Variants in ECHDC3 observed in about 807,000 individuals in gnomAD.
ECHDC3 encodes the protein enoyl-CoA hydratase domain containing 3, also known as enoyl-CoA hydratase domain-containing protein 3, mitochondrial.
ECHDC3 carries 20 observed loss-of-function variants against 17.9 expected under a neutral mutation model. The ratio of observed to expected loss-of-function variants is 1.12; its 90% CI spans 0.79 to 1.63. The LOEUF is 1.63. Among genes scored for constraint, ECHDC3 ranks in the 40% most tolerant of loss-of-function variants. ECHDC3 has a pLI of 0.00. For missense variants in ECHDC3, 407 were observed against 357.7 expected, an observed-to-expected ratio of 1.14 and a Z score of -1.11; for synonymous variants, 177 against 149.7, an observed-to-expected ratio of 1.18 and a Z score of -1.33.
At chr10:11,746,404 C>G (rs1280201754) in intron 1 of ECHDC3, among the ~76,000 whole-genome samples, 1 of 149,894 alleles carries the variant, frequency 6.7e-6, no homozygotes, top group African/African-American at 2.5e-5. Context: ...GCCGAGAATT[C>G]TATAGCACAA....
At chr10:11,745,027 G>C (rs1448179750) in intron 1 of ECHDC3, among the ~76,000 whole-genome samples, 1 of 152,218 alleles carries the variant, frequency 6.6e-6, no homozygotes, top group East Asian at 1.9e-4. Context: ...AGTCAAGAAG[G>C]ACCGACCAGA....
intron 4 of ECHDC3, among the ~76,000 whole-genome samples, chr10:11,759,973 G>A (rs1306056710): frequency 6.6e-6 from 1 of 152,224 alleles, no homozygotes; most frequent in Non-Finnish European, 1.5e-5. Flanking sequence ...GTTAGTAAGT[G>A]GCAGAGCTGG....
chr10:11,742,602 C>A lies in ECHDC3; in HGVS notation c.26C>A (p.Ala9Asp). 1.5e-6 allele frequency: 2 copies of A among 1,294,992 alleles called. No homozygotes were observed. The highest frequency in any genetic ancestry group is 2.0e-6 in the Non-Finnish European group (2 of 1,022,342). The allele number at this position is 1,294,992 out of a possible 1,614,324, so 80.2% of individuals were successfully genotyped here. Reference protein sequence around the residue: MAAVAVLRAFGASGPMCLR... With the variant: MAAVAVLRDFGASGPMCLR... ...ATGGCCGCCGTCGCCGTCTTGCGGG[C>A]CTTCGGGGCAAGTGGGCCCATGTGT... The change falls in exon 1 of 5, where the codon GCC becomes GAC. Residue 9 changes from alanine to aspartate, a missense_variant. Coordinates refer to ENST00000379215, the MANE Select transcript of ECHDC3 (RefSeq NM_024693.5).
At chr10:11,760,122 C>T (rs1469267909) in intron 4 of ECHDC3, among the ~76,000 whole-genome samples, 1 of 152,220 alleles carries the variant, frequency 6.6e-6, no homozygotes, top group Non-Finnish European at 1.5e-5. Flanking sequence ...TTTCCCCCAG[C>T]CTTTCCATTG....
At chr10:11,745,601 A>G (rs118072805) in intron 1 of ECHDC3, among the ~76,000 whole-genome samples, 14 of 152,346 alleles carry the variant, frequency 9.2e-5, no homozygotes, top group Admixed American at 3.9e-4. Context: ...ATTGAAATCA[A>G]TTCAGTCATC....
chr10:11,754,369 C>T (rs994627215), intron 3 of ECHDC3, among the ~76,000 whole-genome samples: 1 of 152,132 alleles, frequency 6.6e-6, no homozygotes, highest in African/African-American at 2.4e-5. Flanking sequence ...CATAGCAACA[C>T]ACTCTGTGGC....
rs1056415970 is a variant in ECHDC3, at chr10:11,742,683, C to G, written c.107C>G (p.Ala36Gly). Reference protein sequence around the residue: ...LPARFCSRDPAGAGRRESEPR... With the variant: ...LPARFCSRDPGGAGRRESEPR... Reference sequence around the variant, plus strand: ...GCCCGCTTCTGCAGCCGGGACCCGGCCGGGGCGGGGCGGCGGGAGTCGGAG... The same window carrying G: ...GCCCGCTTCTGCAGCCGGGACCCGGGCGGGGCGGGGCGGCGGGAGTCGGAG... Residue 36 changes from alanine to glycine, a missense_variant, in exon 1 of 5, where the codon GCC becomes GGC. Transcript: ENST00000379215. The G allele has an allele frequency of 8.0e-7, 1 of 1,245,222 alleles. No homozygotes were observed. Among genetic ancestry groups the G allele is most frequent in the Admixed American group, 4.3e-5 (1 of 23,466 alleles). The allele number at this position is 1,245,222 out of a possible 1,614,324, so 77.1% of individuals were successfully genotyped here.
At position 11,763,225 on chromosome 10, in the gene ECHDC3, T is replaced by C. The variant is rs776576654; in HGVS notation, c.593T>C (p.Val198Ala). 12 of 773,962 alleles carry C rather than the reference T, an allele frequency of 1.6e-5. No homozygotes were observed. The highest frequency in any genetic ancestry group is 2.9e-5 in the Non-Finnish European group (12 of 415,156). 47.9% of individuals were successfully genotyped at this position (773,962 alleles called of 1,614,324 possible). A position where few individuals can be genotyped will look rare whatever the true frequency, so the allele number is the denominator to read the frequency against. The change falls in exon 5 of 5, where the codon GTG becomes GCG. Residue 198 changes from valine (V) to alanine (A), a missense_variant and splice_region_variant. Val to Ala is a moderately conservative substitution (Grantham distance 64). Coordinates refer to ENST00000379215, the MANE Select transcript of ECHDC3 (RefSeq NM_024693.5). The surrounding 1 kb of genome is among the most constrained non-coding windows in gnomAD (Gnocchi z 4.9). ...GTGACATCCCGTGTCTCCCCGTAGG[T>C]GGCCTTGGAGATGCTCTTTACTGGT... ...VALARAVPRK[V>A]ALEMLFTGEP... is the part of the protein sequence containing the mutation.
At chr10:11,755,036 G>A (rs1468140926) in intron 3 of ECHDC3, among the ~76,000 whole-genome samples, 1 of 152,206 alleles carries the variant, frequency 6.6e-6, no homozygotes, top group Non-Finnish European at 1.5e-5. Context: ...AATGAGAGAC[G>A]TTGGCTGGGC....
chr10:11,747,999 A>G (rs1399040348), intron 2 of ECHDC3, among the ~76,000 whole-genome samples: 2 of 152,242 alleles, frequency 1.3e-5, no homozygotes, highest in Non-Finnish European at 1.5e-5. Flanking sequence ...TTAGCATTTT[A>G]AAGCATACAC....
intron 4 of ECHDC3, among the ~76,000 whole-genome samples, chr10:11,762,194 C>T (rs11257309): frequency 0.17 from 25,988 of 152,044 alleles, 2,773 homozygotes; most frequent in Non-Finnish European, 0.24. Flanking sequence ...TGTAGCCAGA[C>T]GGGAGTCGCA....
At position 11,763,178 on chromosome 10, in the gene ECHDC3, C is replaced by T. The variant is rs759395951; in HGVS notation, c.592-46C>T. 7.1e-6 allele frequency: 5 copies of T among 701,114 alleles called. No individual in the cohort carries two copies. The highest frequency in any genetic ancestry group is 3.9e-5 in the Admixed American group (2 of 51,390). 43.4% of individuals were successfully genotyped at this position (701,114 alleles called of 1,614,324 possible). ...CGAGGCGGGACTCAGGTGGCGGGGG[C>T]GGGTCACAGGAGAGCACCTCAGTGA... On this transcript the variant is annotated intron_variant, in intron 4 of 4. Coordinates refer to ENST00000379215, the MANE Select transcript of ECHDC3 (RefSeq NM_024693.5). The surrounding 1 kb of genome is among the most constrained non-coding windows in gnomAD (Gnocchi z 4.9).
chr10:11,742,402 C>T lies in ECHDC3; in HGVS notation c.-175C>T. ...GGGGCGTAGTACGGACTGGGCCTGG[C>T]CTGGGGCGTCCCCGCGAAGCCTGGG... On this transcript the variant is annotated 5_prime_UTR_variant, in exon 1 of 5. Transcript: ENST00000379215. 4.5e-6 allele frequency: 2 copies of T among 442,966 alleles called. No individual in the cohort carries two copies. Among genetic ancestry groups the T allele is most frequent in the South Asian group, 1.3e-4 (1 of 7,876 alleles). The allele number at this position is 442,966 out of a possible 1,614,324, so 27.4% of individuals were successfully genotyped here.
In ECHDC3 at chr10:11,763,827, C is replaced by A; in HGVS notation, c.*283C>A. ...GGGGTGCTCCTTGCAACGTCTTAAGCAAGCGACCCCCCGACATAGCAAAAG... is the reference window on the plus strand; with the variant it reads ...GGGGTGCTCCTTGCAACGTCTTAAGAAAGCGACCCCCCGACATAGCAAAAG... On this transcript the variant is annotated 3_prime_UTR_variant, in exon 5 of 5. Coordinates refer to ENST00000379215, the MANE Select transcript of ECHDC3 (RefSeq NM_024693.5). The surrounding 1 kb of genome is among the most constrained non-coding windows in gnomAD (Gnocchi z 4.9). 2 of 1,044,458 alleles carry A rather than the reference C, an allele frequency of 1.9e-6. No homozygotes were observed. The highest frequency in any genetic ancestry group is 6.4e-5 in the East Asian group (1 of 15,578). 64.7% of individuals were successfully genotyped at this position (1,044,458 alleles called of 1,614,324 possible).
intron 4 of ECHDC3, among the ~76,000 whole-genome samples, chr10:11,761,651 C>T (rs1158330310): frequency 1.3e-5 from 2 of 152,200 alleles, no homozygotes; most frequent in Non-Finnish European, 2.9e-5. Context: ...GCTGGGCCCC[C>T]ACAAGGGTAG....
At chr10:11,750,089 C>T (rs1588463249) in intron 3 of ECHDC3, among the ~76,000 whole-genome samples, 1 of 152,130 alleles carries the variant, frequency 6.6e-6, no homozygotes, top group African/African-American at 2.4e-5. Context: ...AGCCACCGTG[C>T]ACAGCCTAGT....
Position 11,763,783 on chromosome 10 carries a change from G to A in ECHDC3, c.*239G>A. On this transcript the variant is annotated 3_prime_UTR_variant, in exon 5 of 5. Coordinates refer to ENST00000379215, the MANE Select transcript of ECHDC3 (RefSeq NM_024693.5). The surrounding 1 kb of genome is among the most constrained non-coding windows in gnomAD (Gnocchi z 4.9). ...GTGAACCCTGCAGCGGGCCAGCTAT[G>A]GTGGGAAGCCTGGCATTTGGGGTGC... 7.7e-7 allele frequency: 1 copy of A among 1,297,554 alleles called. No individual in the cohort carries two copies. Among genetic ancestry groups the A allele is most frequent in the Non-Finnish European group, 9.8e-7 (1 of 1,022,374 alleles). 80.4% of individuals were successfully genotyped at this position (1,297,554 alleles called of 1,614,324 possible).
chr10:11,750,861 G>A (rs1232771464), intron 3 of ECHDC3, among the ~76,000 whole-genome samples: 2 of 152,152 alleles, frequency 1.3e-5, no homozygotes, highest in East Asian at 1.9e-4. Flanking sequence ...TGAGCAACAG[G>A]GATGTGAATG....
At chr10:11,748,576 A>G (rs1832787525) in intron 2 of ECHDC3, among the ~76,000 whole-genome samples, 1 of 152,128 alleles carries the variant, frequency 6.6e-6, no homozygotes, top group Non-Finnish European at 1.5e-5. Flanking sequence ...AGACAATAAT[A>G]TTGCCTATCA....
Sources: gnomAD v4.1 joint callset for allele counts (sites outside exome capture counted in the v4.1 genomes callset) on GRCh38, gnomAD v4.1.1 for gene constraint, Gnocchi (gnomAD v3.1) non-coding constraint, MANE v1.5 for transcripts, NCBI Gene and HGNC (gene_info 2026-07-23, HGNC 2026-07-21) for gene names.